Variants in DNAJC11 observed in about 807,000 individuals in gnomAD.
DNAJC11 encodes the protein DnaJ heat shock protein family (Hsp40) member C11, also known as dnaJ homolog subfamily C member 11.
In DNAJC11, 15 loss-of-function variants were observed where a neutral mutation model predicts 78.6. That is an observed-to-expected ratio of 0.19 (90% confidence interval 0.13 to 0.29). The LOEUF (loss-of-function observed/expected upper bound fraction) is 0.29. Ranked by LOEUF, DNAJC11 falls within the 10% of genes least tolerant of loss-of-function variation. The pLI is 1.00. For missense variants in DNAJC11, 547 were observed against 709.6 expected (o/e 0.77, Z 2.60); for synonymous variants, 292 against 272.1 (o/e 1.07, Z -0.72).
intron 1 of DNAJC11, among the ~76,000 whole-genome samples, chr1:6,685,926 G>A (rs1350301443): frequency 6.6e-6 from 1 of 152,170 alleles, no homozygotes; most frequent in Admixed American, 6.5e-5. Flanking sequence ...ATAAATACAA[G>A]AGTTTTGAGA....
intron 1 of DNAJC11, among the ~76,000 whole-genome samples, chr1:6,685,999 T>C (rs1642649743): frequency 6.6e-6 from 1 of 152,242 alleles, no homozygotes; most frequent in South Asian, 2.1e-4. Flanking sequence ...CGGTGATGTC[T>C]GTGTATCTAT....
Position 6,645,211 on chromosome 1 carries a change from G to C in DNAJC11, c.895-85C>G, listed in dbSNP as rs959581428. 1.0e-5 allele frequency: 11 copies of C among 1,075,722 alleles called. No homozygotes were observed. In the African/African-American group the frequency reaches 1.7e-4, roughly 17 times the overall value. 66.6% of individuals were successfully genotyped at this position (1,075,722 alleles called of 1,614,324 possible). On this transcript the variant is annotated intron_variant, in intron 8 of 15. Transcript: ENST00000377577. This position sits in a 1 kb window ranked among gnomAD's most constrained non-coding sequence, Gnocchi z 4.1. ...GGTATCTGCCCTCCCACTAGCTCTG[G>C]GCATCTGCTGCACACAGGCCTTTAA...
chr1:6,674,869 A>G (rs1018894167), intron 3 of DNAJC11, among the ~76,000 whole-genome samples: 1 of 152,196 alleles, frequency 6.6e-6, no homozygotes, highest in African/African-American at 2.4e-5. Context: ...CGTCTCAGAC[A>G]CTCAGGATAC....
chr1:6,686,151 T>C (rs1180045029), intron 1 of DNAJC11, among the ~76,000 whole-genome samples: 1 of 152,222 alleles, frequency 6.6e-6, no homozygotes, highest in East Asian at 1.9e-4. Context: ...TAAATATCGA[T>C]AGCTATAATT....
intron 4 of DNAJC11, among the ~76,000 whole-genome samples, chr1:6,665,243 T>C (rs1274005156): frequency 6.6e-6 from 1 of 152,126 alleles, no homozygotes; most frequent in Non-Finnish European, 1.5e-5. Context: ...AATTTGTAAA[T>C]ATTTTGTAGA....
chr1:6,649,931 C>G (rs1315569649), intron 7 of DNAJC11, among the ~76,000 whole-genome samples: 1 of 151,910 alleles, frequency 6.6e-6, no homozygotes, highest in Non-Finnish European at 1.5e-5. Context: ...GTCTCGAACT[C>G]CTGTACATGT....
chr1:6,677,585 C>T (rs1642484226), intron 3 of DNAJC11, among the ~76,000 whole-genome samples: 1 of 152,228 alleles, frequency 6.6e-6, no homozygotes, highest in East Asian at 1.9e-4. Context: ...GTGTGAGCCA[C>T]TTTGCCTGGG....
intron 4 of DNAJC11, among the ~76,000 whole-genome samples, chr1:6,656,703 ACT>A (rs1323669022): frequency 1.4e-5 from 2 of 145,588 alleles, no homozygotes; most frequent in East Asian, 2.0e-4. Context: ...ACATGTTGAG[ACT>A]CTGTCTCCAC....
At chr1:6,672,362 G>A (rs372619460) in intron 3 of DNAJC11, among the ~76,000 whole-genome samples, 1 of 152,258 alleles carries the variant, frequency 6.6e-6, no homozygotes, top group South Asian at 2.1e-4. Context: ...AGCCTGGAAA[G>A]TGTGAAGCTT....
intron 1 of DNAJC11, among the ~76,000 whole-genome samples, chr1:6,695,553 A>T (rs1037422781): frequency 7.0e-6 from 1 of 142,982 alleles, no homozygotes; most frequent in Non-Finnish European, 1.5e-5. Flanking sequence ...GCACTTTGGG[A>T]GGCCGAGGCG....
At position 6,638,087 on chromosome 1, in the gene DNAJC11, T is replaced by G. The variant is rs560887796; in HGVS notation, c.1323+208A>C. The G allele has an allele frequency of 1.0e-5, 5 of 482,976 alleles. No homozygotes were observed. In the Admixed American group the frequency reaches 1.1e-4, roughly 10 times the overall value. 29.9% of individuals were successfully genotyped at this position (482,976 alleles called of 1,614,324 possible). A position where few individuals can be genotyped will look rare whatever the true frequency, so the allele number is the denominator to read the frequency against. ...GAAAAAGAGGCCAATACTCACCACT[T>G]TAAAAAAGCCCTTGTTAGGCCTTTG... On this transcript the variant is annotated intron_variant, in intron 12 of 15. Coordinates refer to ENST00000377577, the MANE Select transcript of DNAJC11 (RefSeq NM_018198.4).
intron 4 of DNAJC11, 35 bp downstream of exon 4, chr1:6,667,674 T>A (rs780365854): frequency 8.2e-6 from 13 of 1,577,954 alleles, no homozygotes; most frequent in Non-Finnish European, 1.1e-5. Context: ...GGCCTTTTCA[T>A]GAAGTGTCCT....
chr1:6,700,132 G>A (rs769357040), intron 1 of DNAJC11, among the ~76,000 whole-genome samples: 4 of 152,032 alleles, frequency 2.6e-5, no homozygotes, highest in Admixed American at 6.5e-5. Flanking sequence ...CACGCTCCCC[G>A]CCCTTGTGAT....
intron 4 of DNAJC11, among the ~76,000 whole-genome samples, chr1:6,664,084 G>A (rs79976306): frequency 9.7e-4 from 148 of 152,290 alleles, no homozygotes; most frequent in African/African-American, 3.4e-3. Context: ...GTGGACACAC[G>A]CCGGGGCTGG....
Position 6,638,336 on chromosome 1 carries a change from C to T in DNAJC11, c.1282G>A (p.Ala428Thr), listed in dbSNP as rs745627956. ...KELEKQRESA[A>T]TDVLQKKQEA... ...TGCTTCTTCTGCAGCACATCGGTGG[C>T]GGCGCTTTCCCTCTGCTTCTCCAAT... is the stretch of plus-strand genomic sequence containing the variant. The change falls in exon 12 of 16, where the codon GCC becomes ACC. Residue 428 changes from alanine (A) to threonine (T), a missense_variant. Physicochemically the swap from Ala to Thr is moderately conservative, Grantham distance 58. Coordinates refer to ENST00000377577, the MANE Select transcript of DNAJC11 (RefSeq NM_018198.4). The T allele has an allele frequency of 2.9e-5, 47 of 1,613,404 alleles. No individual in the cohort carries two copies. The East Asian group carries it at 3.6e-4, about 12-fold the overall frequency.
rs752005155 is a variant in DNAJC11 at position 6,637,390 on chromosome 1, T to A, written c.1382-50A>T. The A allele has an allele frequency of 3.1e-6, 5 of 1,614,098 alleles. No individual in the cohort carries two copies. The South Asian group carries it at 3.3e-5, about 11-fold the overall frequency. On this transcript the variant is annotated intron_variant, in intron 13 of 15. Coordinates refer to ENST00000377577, the MANE Select transcript of DNAJC11 (RefSeq NM_018198.4). ...AAGGCCTCCTCCAGGCACCTCCTTG[T>A]GTGGCTTAGAGACCCCCAGCGCCCA...
At chr1:6,644,853 T>A (rs982316397) in intron 9 of DNAJC11, among the ~76,000 whole-genome samples, 179 bp from the exon 10 acceptor site, 1 of 152,038 alleles carries the variant, frequency 6.6e-6, no homozygotes, top group African/African-American at 2.4e-5. Flanking sequence ...TCCACAACAC[T>A]CTCTAAGCTC....
At position 6,680,629 on chromosome 1, in the gene DNAJC11, A is replaced by G. The variant is rs1407160607; in HGVS notation, c.202+279T>C. Among the ~76,000 whole-genome samples, 1 of 152,234 alleles carries G rather than the reference A, an allele frequency of 6.6e-6. No homozygotes were observed. The highest frequency in any genetic ancestry group is 1.5e-5 in the Non-Finnish European group (1 of 68,044). ...TTTACCTATAAGAGTTCCCTTTAGAAGAAAACTGGTAAACGATTTAAAACT... is the reference window on the plus strand; with the variant it reads ...TTTACCTATAAGAGTTCCCTTTAGAGGAAAACTGGTAAACGATTTAAAACT... On this transcript the variant is annotated intron_variant, in intron 2 of 15. Coordinates refer to ENST00000377577, the MANE Select transcript of DNAJC11 (RefSeq NM_018198.4). This position sits in a 1 kb window ranked among gnomAD's most constrained non-coding sequence, Gnocchi z 4.0.
At position 6,658,335 on chromosome 1, in the gene DNAJC11, G is replaced by A. The variant is rs1275842222; in HGVS notation, c.379-4296C>T. ...GAATGAGACAATTACTAATAACACAGAGGAAAAAGTGTTAAGAAAGGCTAG... is the reference window on the plus strand; with the variant it reads ...GAATGAGACAATTACTAATAACACAAAGGAAAAAGTGTTAAGAAAGGCTAG... On this transcript the variant is annotated intron_variant, in intron 4 of 15. Transcript: ENST00000377577. Among the ~76,000 whole-genome samples, 3 of 152,216 alleles carry A rather than the reference G, an allele frequency of 2.0e-5. No individual in the cohort carries two copies. In the East Asian group the frequency reaches 5.8e-4, roughly 29 times the overall value.
Sources: gnomAD v4.1 joint callset for allele counts (sites outside exome capture counted in the v4.1 genomes callset) on GRCh38, gnomAD v4.1.1 for gene constraint, Gnocchi (gnomAD v3.1) non-coding constraint, MANE v1.5 for transcripts, NCBI Gene and HGNC (gene_info 2026-07-23, HGNC 2026-07-21) for gene names.